SLC13A3: variants seen among roughly 807,000 people sequenced by gnomAD.
The protein encoded by SLC13A3 is Na(+)/dicarboxylate cotransporter 3.
In SLC13A3, 40 loss-of-function variants were observed where a neutral mutation model predicts 59.0. The observed-to-expected ratio is 0.68, with a 90% CI of 0.53 to 0.88. The LOEUF is 0.88. Ranked by LOEUF, SLC13A3 falls within the 40% of genes least tolerant of loss-of-function variation. SLC13A3 has a pLI of 0.00. For missense variants in SLC13A3, 699 were observed against 783.2 expected (o/e 0.89, Z 1.28); for synonymous variants, 317 against 330.3 (o/e 0.96, Z 0.44).
At chr20:46,576,902 T>C (rs1335705993) in intron 9 of SLC13A3, among the ~76,000 whole-genome samples, 1 of 152,196 alleles carries the variant, frequency 6.6e-6, no homozygotes. Context: ...CTTAATAAAA[T>C]CCTTCTACCA....
At chr20:46,668,503 GAAGAA>G (rs2063073356) in intron 1 of SLC13A3, among the ~76,000 whole-genome samples, 1 of 152,224 alleles carries the variant, frequency 6.6e-6, no homozygotes, top group Non-Finnish European at 1.5e-5. Flanking sequence ...GGAAGCTGCA[GAAGAA>G]AAGTTTGAAG....
intron 3 of SLC13A3, among the ~76,000 whole-genome samples, chr20:46,606,931 C>T (rs425568): frequency 0.97 from 147,584 of 152,314 alleles, 71,539 homozygotes; most frequent in East Asian, 1. Flanking sequence ...CAGAACTGAG[C>T]AAAGGAACTG....
At chr20:46,675,007 G>C (rs966817897), upstream of SLC13A3, among the ~76,000 whole-genome samples, 1 of 152,086 alleles carries the variant, frequency 6.6e-6, no homozygotes, top group Non-Finnish European at 1.5e-5. Context: ...GGAAATGAGG[G>C]AGGCAGCCAT....
At chr20:46,574,690 T>C (rs1337952908) in intron 10 of SLC13A3, among the ~76,000 whole-genome samples, 2 of 152,194 alleles carry the variant, frequency 1.3e-5, no homozygotes, top group Non-Finnish European at 2.9e-5. Flanking sequence ...TAATCCTGAC[T>C]CCATAGCTGT....
chr20:46,610,512 G>T lies in SLC13A3; in HGVS notation c.475C>A (p.Leu159Met), dbSNP rs1199027839. The change falls in exon 3 of 13, where the codon CTG (leucine) becomes ATG (methionine). Residue 159 changes from leucine (L) to methionine (M), a missense_variant. By Grantham distance (15) the Leu-to-Met change is conservative. Transcript: ENST00000279027. ...TCCTTCTGGCCAAAGAGACTTTTCA[G>T]GATGGCATTGGCAATGGGAAGCATC... ...AMMLPIANAI[L>M]KSLFGQKEVR... 1 of 1,614,010 alleles carries T rather than the reference G, an allele frequency of 6.2e-7. No homozygotes were observed. The highest frequency in any genetic ancestry group is 1.3e-5 in the African/African-American group (1 of 74,904).
intron 1 of SLC13A3, among the ~76,000 whole-genome samples, chr20:46,680,772 T>C (rs1462410687): frequency 2.0e-5 from 3 of 152,146 alleles, no homozygotes; most frequent in African/African-American, 7.2e-5. Context: ...CCCTCTCCTG[T>C]GTCCTCTGCC....
In SLC13A3 at chr20:46,574,935, C is replaced by T. The variant is rs550283196; in HGVS notation, c.1332+638G>A. On this transcript the variant is annotated intron_variant, in intron 10 of 12. Transcript: ENST00000279027. Reference sequence around the variant, plus strand: ...TCCACTGTACTCCAGCCTAGGACCACCACACCTGGCTAATTTTTTTAACCC... The same window carrying T: ...TCCACTGTACTCCAGCCTAGGACCATCACACCTGGCTAATTTTTTTAACCC... Among the ~76,000 whole-genome samples, 119 of 150,670 alleles carry T rather than the reference C, an allele frequency of 7.9e-4. No homozygotes were observed. In the South Asian group the frequency reaches 0.011, roughly 14 times the overall value.
chr20:46,664,160 C>G (rs1374796466), intron 1 of SLC13A3, among the ~76,000 whole-genome samples: 1 of 152,156 alleles, frequency 6.6e-6, no homozygotes, highest in Non-Finnish European at 1.5e-5. Context: ...GCTTGGGCAT[C>G]AGGATTTTTT....
chr20:46,659,712 T>TG (rs1160208649), intron 1 of SLC13A3, among the ~76,000 whole-genome samples: 7 of 78,592 alleles, frequency 8.9e-5, no homozygotes, highest in African/African-American at 3.4e-4. Context: ...TGAGACCCTA[T>TG]CCCCCCCCCC....
intron 1 of SLC13A3, among the ~76,000 whole-genome samples, chr20:46,680,247 C>T (rs1211867295): frequency 2.0e-5 from 3 of 152,198 alleles, no homozygotes; most frequent in Non-Finnish European, 4.4e-5. Flanking sequence ...TGGGAAAGTG[C>T]GTCTTGTCTA....
intron 12 of SLC13A3, among the ~76,000 whole-genome samples, chr20:46,561,242 C>T (rs1027397395): frequency 3.3e-5 from 5 of 152,220 alleles, no homozygotes; most frequent in South Asian, 2.1e-4. Flanking sequence ...CAATGTTCAT[C>T]TTACATATGT....
chr20:46,624,921 G>C (rs2062652858), intron 1 of SLC13A3, among the ~76,000 whole-genome samples: 1 of 152,166 alleles, frequency 6.6e-6, no homozygotes. Context: ...GAACTAGAGG[G>C]GGAGCAGCCA....
intron 1 of SLC13A3, among the ~76,000 whole-genome samples, chr20:46,632,911 A>ATCTATC (rs1667552182): frequency 1.8e-5 from 1 of 55,526 alleles, no homozygotes; most frequent in Non-Finnish European, 3.9e-5. Context: ...ATAGATAGAT[A>ATCTATC]TATCTATCTA....
At chr20:46,613,321 A>AAATAAATAAATAAATAAATG (rs2062519968) in intron 2 of SLC13A3, 139 bp downstream of exon 2, 2 of 502,050 alleles carry the variant, frequency 4.0e-6, no homozygotes, top group Non-Finnish European at 5.9e-6. Flanking sequence ...ATAAATAAAT[A>AAATAAATAAATAAATAAATG]AATAAATAAA....
At chr20:46,577,008 AACCCACAG>A in intron 9 of SLC13A3, among the ~76,000 whole-genome samples, 1 of 151,348 alleles carries the variant, frequency 6.6e-6, no homozygotes, top group African/African-American at 2.4e-5. Flanking sequence ...AGGTGCATGC[AACCCACAG>A]GTGTATGCAG....
At chr20:46,566,144 C>T (rs1164497788) in intron 11 of SLC13A3, 85 bp downstream of exon 11, 5 of 1,139,836 alleles carry the variant, frequency 4.4e-6, no homozygotes, top group East Asian at 2.4e-5. Flanking sequence ...AACTGTGGCC[C>T]CCAGTGAAGG....
chr20:46,611,194 A>C (rs1487492812), intron 2 of SLC13A3, among the ~76,000 whole-genome samples: 20 of 152,170 alleles, frequency 1.3e-4, no homozygotes, highest in Admixed American at 1.3e-3. Context: ...CAATTATCCC[A>C]ACTCTCACCA....
At chr20:46,566,768 A>C (rs202392) in intron 10 of SLC13A3, among the ~76,000 whole-genome samples, 1 of 151,126 alleles carries the variant, frequency 6.6e-6, no homozygotes, top group Admixed American at 6.6e-5. Context: ...TACCCAAATC[A>C]TAATAGTTAC....
upstream of SLC13A3, among the ~76,000 whole-genome samples, chr20:46,653,005 T>A (rs1226883573): frequency 4.6e-5 from 7 of 152,252 alleles, no homozygotes; most frequent in Admixed American, 3.3e-4. Context: ...TAATGGCTAG[T>A]GATGTTTAAC....
Sources: gnomAD v4.1 joint callset for allele counts (sites outside exome capture counted in the v4.1 genomes callset) on GRCh38, gnomAD v4.1.1 for gene constraint, MANE v1.5 for transcripts, NCBI Gene and HGNC (gene_info 2026-07-23, HGNC 2026-07-21) for gene names.